The following PPARGC1A variants were observed in gnomAD, a reference collection of about 807,000 sequenced individuals.
PPARGC1A encodes the protein peroxisome proliferator-activated receptor gamma coactivator 1-alpha.
Under a neutral mutation model 88.7 loss-of-function variants are expected in PPARGC1A, and 25 were observed. That is an observed-to-expected ratio of 0.28 (90% CI 0.21 to 0.39). PPARGC1A has a LOEUF of 0.39. Among genes scored for constraint, PPARGC1A ranks in the 10% least tolerant of loss-of-function variants. PPARGC1A has a pLI of 1.00. For missense variants in PPARGC1A, 880 were observed against 968.7 expected (o/e 0.91, Z 1.22); for synonymous variants, 363 against 355.6 (o/e 1.02, Z -0.24).
At chr4:24,254,815 G>A in the PPARGC1A span, among the ~76,000 whole-genome samples, 1 of 152,208 alleles carries the variant, frequency 6.6e-6, no homozygotes, top group African/African-American at 2.4e-5. Flanking sequence ...ATTAACAAGT[G>A]CTAGAGCACA....
the PPARGC1A span, among the ~76,000 whole-genome samples, chr4:24,356,537 A>G: frequency 9.8e-5 from 15 of 152,324 alleles, no homozygotes; most frequent in African/African-American, 3.4e-4. Context: ...GCCACACATA[A>G]TACTTTTAAG....
the PPARGC1A span, among the ~76,000 whole-genome samples, chr4:23,994,070 T>G: frequency 2.0e-5 from 3 of 152,202 alleles, no homozygotes; most frequent in Non-Finnish European, 4.4e-5. Context: ...TGTCCCAGCC[T>G]GCTCAGATAT....
the PPARGC1A span, among the ~76,000 whole-genome samples, chr4:24,307,768 G>A: frequency 6.6e-6 from 1 of 152,186 alleles, no homozygotes; most frequent in Non-Finnish European, 1.5e-5. Flanking sequence ...CAGAGTCCCA[G>A]CTGACTCTCG....
intron 7 of PPARGC1A, among the ~76,000 whole-genome samples, chr4:23,814,876 G>A (rs906134644): frequency 6.6e-6 from 1 of 152,084 alleles, no homozygotes; most frequent in African/African-American, 2.4e-5. Flanking sequence ...AACAAATCCT[G>A]CTTCCCAGAA....
chr4:24,010,926 T>A, the PPARGC1A span, among the ~76,000 whole-genome samples: 4 of 152,130 alleles, frequency 2.6e-5, no homozygotes, highest in Non-Finnish European at 5.9e-5. Flanking sequence ...CCGTGAGTGA[T>A]AATTTTCACT....
chr4:23,929,079 A>G, the PPARGC1A span, among the ~76,000 whole-genome samples: 2 of 152,128 alleles, frequency 1.3e-5, no homozygotes, highest in Admixed American at 1.3e-4. Context: ...ACCATGGCAC[A>G]CGTTTACCTA....
intron 12 of PPARGC1A, among the ~76,000 whole-genome samples, chr4:23,800,504 T>G (rs1718466462): frequency 6.6e-6 from 1 of 151,632 alleles, no homozygotes; most frequent in Admixed American, 6.6e-5. Flanking sequence ...TGTACAACCA[T>G]TAAAGTATGT....
the PPARGC1A span, among the ~76,000 whole-genome samples, chr4:24,297,058 G>A: frequency 3.3e-5 from 5 of 152,098 alleles, no homozygotes; most frequent in African/African-American, 9.7e-5. Context: ...CAAGACAAAT[G>A]CATTAAAGCA....
the PPARGC1A span, among the ~76,000 whole-genome samples, chr4:24,068,207 CGGAAGGAAT>C: frequency 1.3e-4 from 3 of 23,742 alleles, no homozygotes; most frequent in South Asian, 2.7e-3. Flanking sequence ...ATCAATGCCA[CGGAAGGAAT>C]GATGATGGCT....
the PPARGC1A span, among the ~76,000 whole-genome samples, chr4:24,297,428 G>A: frequency 2.0e-5 from 3 of 152,014 alleles, no homozygotes; most frequent in African/African-American, 4.8e-5. Context: ...CCACGAATTC[G>A]CACAGCTTTT....
At chr4:24,045,768 A>C in the PPARGC1A span, among the ~76,000 whole-genome samples, 188 of 152,352 alleles carry the variant, frequency 1.2e-3, 1 homozygote, top group African/African-American at 4.3e-3. Flanking sequence ...TCACATTCAC[A>C]GGTACTGAGA....
At chr4:24,452,440 T>C in the PPARGC1A span, among the ~76,000 whole-genome samples, 3 of 152,212 alleles carry the variant, frequency 2.0e-5, no homozygotes, top group South Asian at 2.1e-4. Flanking sequence ...TTCTACTCTC[T>C]CGACCTCATT....
At chr4:24,468,435 G>GCA in the PPARGC1A span, among the ~76,000 whole-genome samples, 2 of 152,004 alleles carry the variant, frequency 1.3e-5, no homozygotes, top group Non-Finnish European at 2.9e-5. Flanking sequence ...GCTCCCCCCC[G>GCA]CACACACACA....
Position 23,814,168 on chromosome 4 carries a change from C to T in PPARGC1A, c.1315G>A (p.Glu439Lys). ...CAAGGAGAGACCTGCTTGCTTGCCT[C>T]CAAAGTCTCTCTCAGGTAGCACTGG... is the stretch of plus-strand genomic sequence containing the variant. ...SDQCYLRETLEASKQVSPCST... is the reference protein window; with the variant it reads ...SDQCYLRETLKASKQVSPCST... The change falls in exon 8 of 13, where the codon GAG (glutamate) becomes AAG (lysine). Residue 439 changes from glutamate (E) to lysine (K), a missense_variant. Transcript: ENST00000264867. 1 of 1,614,050 alleles carries T rather than the reference C, an allele frequency of 6.2e-7. No homozygotes were observed. Among genetic ancestry groups the T allele is most frequent in the Non-Finnish European group, 8.5e-7 (1 of 1,179,990 alleles).
the PPARGC1A span, among the ~76,000 whole-genome samples, chr4:24,054,613 A>G: frequency 1.3e-5 from 2 of 152,226 alleles, no homozygotes; most frequent in African/African-American, 4.8e-5. Context: ...CATTTTACAC[A>G]TATATTTAAT....
At chr4:24,138,160 C>T in the PPARGC1A span, among the ~76,000 whole-genome samples, 4 of 152,200 alleles carry the variant, frequency 2.6e-5, no homozygotes, top group Admixed American at 6.5e-5. Context: ...GTTAGAACAA[C>T]AAACACACTG....
At chr4:23,927,559 G>T in the PPARGC1A span, among the ~76,000 whole-genome samples, 2 of 152,104 alleles carry the variant, frequency 1.3e-5, no homozygotes, top group Non-Finnish European at 2.9e-5. Flanking sequence ...TTTCTAATAA[G>T]AATAATAATA....
At chr4:24,083,614 C>G in the PPARGC1A span, among the ~76,000 whole-genome samples, 67 of 152,250 alleles carry the variant, frequency 4.4e-4, 1 homozygote, top group Non-Finnish European at 7.8e-4. Flanking sequence ...ATTCCAAGGT[C>G]TCTCCCAGCC....
At chr4:24,117,568 C>G in the PPARGC1A span, among the ~76,000 whole-genome samples, 1 of 150,522 alleles carries the variant, frequency 6.6e-6, no homozygotes, top group Non-Finnish European at 1.5e-5. Context: ...ATCTAGTAGG[C>G]AAAAAACGTG....
Sources: allele counts gnomAD v4.1 joint callset (sites outside exome capture counted in the v4.1 genomes callset), GRCh38; gene constraint gnomAD v4.1.1; transcripts MANE v1.5; gene names NCBI Gene and HGNC (gene_info 2026-07-23, HGNC 2026-07-21).